The following CACNA1C variants were observed in gnomAD, a reference collection of about 807,000 sequenced individuals.
CACNA1C encodes voltage-dependent L-type calcium channel subunit alpha-1C.
In CACNA1C, 30 loss-of-function variants were observed where a neutral mutation model predicts 229.0. The observed-to-expected ratio is 0.13, with a 90% confidence interval of 0.10 to 0.18. The LOEUF is 0.18. Ranked by LOEUF, CACNA1C falls within the 10% of genes least tolerant of loss-of-function variation. The pLI is 1.00. For synonymous variants in CACNA1C, 1,114 were observed against 1,132.5 expected, an observed-to-expected ratio of 0.98 and a Z score of 0.33; for missense variants, 1,658 against 2,845.0, an observed-to-expected ratio of 0.58 and a Z score of 9.49.
chr12:2,248,236 C>T (rs2074166229), intron 3 of CACNA1C, among the ~76,000 whole-genome samples: 1 of 152,192 alleles, frequency 6.6e-6, no homozygotes, highest in Non-Finnish European at 1.5e-5. Context: ...GGACTCTGCT[C>T]TATAAATATA....
Position 2,034,641 on chromosome 12 carries a change from G to A in CACNA1C, c.139+63440G>A, listed in dbSNP as rs114164222. Among the ~76,000 whole-genome samples the A allele has an allele frequency of 0.016, 2,456 of 152,182 alleles. 76 individuals carry two copies. Among genetic ancestry groups the A allele is most frequent in the African/African-American group, 0.056 (2,318 of 41,510 alleles). On this transcript the variant is annotated intron_variant, in intron 1 of 46. Transcript: ENST00000682462. The surrounding 1 kb of genome is among the most constrained non-coding windows in gnomAD (Gnocchi z 4.1). ...GTAATATGCTGGTTCAATATCCGAC[G>A]ACTTTGAAATAATTCGAGGGCTAAC...
At chr12:2,209,206 G>A (rs1313023712) in intron 3 of CACNA1C, among the ~76,000 whole-genome samples, 1 of 152,190 alleles carries the variant, frequency 6.6e-6, no homozygotes, top group Non-Finnish European at 1.5e-5. Flanking sequence ...TGAGGTATGT[G>A]ATTATAAGAA....
Position 2,215,554 on chromosome 12 carries a change from C to T in CACNA1C, c.477+95124C>T, listed in dbSNP as rs1367103051. Reference sequence around the variant, plus strand: ...AGCTCCTACCACAGTCCCTGTCCCCCACACCGTTAACACTTTTACATCAGC... The same window carrying T: ...AGCTCCTACCACAGTCCCTGTCCCCTACACCGTTAACACTTTTACATCAGC... On this transcript the variant is annotated intron_variant, in intron 3 of 46. Transcript: ENST00000399655. This position sits in a 1 kb window ranked among gnomAD's most constrained non-coding sequence, Gnocchi z 5.0. Among the ~76,000 whole-genome samples the T allele has an allele frequency of 1.3e-5, 2 of 152,194 alleles. No homozygotes were observed. Among genetic ancestry groups the T allele is most frequent in the African/African-American group, 4.8e-5 (2 of 41,456 alleles).
intron 1 of CACNA1C, among the ~76,000 whole-genome samples, chr12:2,107,309 G>C (rs1348869080): frequency 7.3e-6 from 1 of 137,488 alleles, no homozygotes; most frequent in Non-Finnish European, 1.6e-5. Flanking sequence ...TGCTCACCCT[G>C]GAGAGGGTTT....
At chr12:2,255,124 C>T (rs1181248071) in intron 3 of CACNA1C, among the ~76,000 whole-genome samples, 1 of 152,106 alleles carries the variant, frequency 6.6e-6, no homozygotes, top group African/African-American at 2.4e-5. Flanking sequence ...GGCTGACCTG[C>T]TGTGTGACCT....
At chr12:2,392,989 A>C (rs2098511817) in intron 3 of CACNA1C, among the ~76,000 whole-genome samples, 1 of 151,948 alleles carries the variant, frequency 6.6e-6, no homozygotes, top group African/African-American at 2.4e-5. Flanking sequence ...ACTACTGTTA[A>C]CCCTCTAGTA....
At chr12:2,400,570 C>T (rs943047486) in intron 3 of CACNA1C, among the ~76,000 whole-genome samples, 1 of 152,212 alleles carries the variant, frequency 6.6e-6, no homozygotes, top group Non-Finnish European at 1.5e-5. Flanking sequence ...GCTACGAATA[C>T]AGAACGAGAT....
intron 3 of CACNA1C, among the ~76,000 whole-genome samples, chr12:2,342,941 G>A (rs537519876): frequency 1.3e-5 from 2 of 152,308 alleles, no homozygotes; most frequent in East Asian, 3.9e-4. Flanking sequence ...CAGTTTTCAT[G>A]TGCATTATTT....
rs2074873506 is a variant in CACNA1C at position 2,605,449 on chromosome 12, T to C, written c.3049-230T>C. Among the ~76,000 whole-genome samples the C allele has an allele frequency of 6.6e-6, 1 of 152,188 alleles. No individual in the cohort carries two copies. On this transcript the variant is annotated intron_variant, in intron 23 of 46. Transcript: ENST00000399655. The surrounding 1 kb of genome is among the most constrained non-coding windows in gnomAD (Gnocchi z 6.2). Reference sequence around the variant, plus strand: ...CACCATCCCTATATTCCTTCCACTGTAAGATGGGAGGTTGGCAGGACTTTT... The same window carrying C: ...CACCATCCCTATATTCCTTCCACTGCAAGATGGGAGGTTGGCAGGACTTTT...
At chr12:2,187,636 C>T (rs938853315) in intron 3 of CACNA1C, among the ~76,000 whole-genome samples, 10 of 152,218 alleles carry the variant, frequency 6.6e-5, no homozygotes, top group African/African-American at 1.4e-4. Flanking sequence ...AGTCAGTGAC[C>T]GACAGGCCAG....
intron 7 of CACNA1C, among the ~76,000 whole-genome samples, chr12:2,496,149 G>A (rs1209659435): frequency 6.6e-6 from 1 of 152,184 alleles, no homozygotes; most frequent in Non-Finnish European, 1.5e-5. Context: ...CCCAGTATCT[G>A]CATTTTGAAA....
At chr12:2,310,431 G>A (rs2095373162) in intron 3 of CACNA1C, among the ~76,000 whole-genome samples, 1 of 151,898 alleles carries the variant, frequency 6.6e-6, no homozygotes, top group African/African-American at 2.4e-5. Context: ...GGTTTTGAAT[G>A]TGGGGGAGGC....
intron 9 of CACNA1C, among the ~76,000 whole-genome samples, chr12:2,539,948 C>T (rs145131398): frequency 2.1e-3 from 312 of 151,848 alleles, no homozygotes; most frequent in African/African-American, 6.9e-3. Flanking sequence ...GATCTGTTAC[C>T]GGTAAAGGCT....
chr12:2,545,529 T>C (rs2099879559), intron 9 of CACNA1C, among the ~76,000 whole-genome samples: 1 of 152,180 alleles, frequency 6.6e-6, no homozygotes, highest in South Asian at 2.1e-4. Context: ...TTGCAAGTTG[T>C]CTCCACTGCT....
At chr12:2,307,664 A>G (rs922604917) in intron 3 of CACNA1C, among the ~76,000 whole-genome samples, 1 of 151,882 alleles carries the variant, frequency 6.6e-6, no homozygotes, top group East Asian at 1.9e-4. Context: ...CTCTAGATGG[A>G]GTGTTCTTTC....
At chr12:2,377,831 A>G (rs1378003400) in intron 3 of CACNA1C, among the ~76,000 whole-genome samples, 2 of 152,230 alleles carry the variant, frequency 1.3e-5, no homozygotes, top group Admixed American at 6.5e-5. Flanking sequence ...CTGCTTCTCC[A>G]TGATTTCTGA....
At chr12:1,993,086 G>A (rs2154474693) in intron 1 of CACNA1C, 2 of 841,868 alleles carry the variant, frequency 2.4e-6, no homozygotes, top group East Asian at 4.8e-5. Flanking sequence ...ACTCTTCCAA[G>A]GAAGAATCTA....
At chr12:2,580,413 A>G (rs1362528013) in intron 13 of CACNA1C, among the ~76,000 whole-genome samples, 2 of 152,232 alleles carry the variant, frequency 1.3e-5, no homozygotes, top group African/African-American at 4.8e-5. Context: ...CATGTCACTC[A>G]CTGAAGCAGC....
chr12:2,028,126 A>T (rs2047633558), intron 1 of CACNA1C, among the ~76,000 whole-genome samples: 1 of 152,346 alleles, frequency 6.6e-6, no homozygotes, highest in East Asian at 1.9e-4. Flanking sequence ...ATGCCTAAGG[A>T]TGCAGTATTT....
Sources: gnomAD v4.1 joint callset for allele counts (sites outside exome capture counted in the v4.1 genomes callset) on GRCh38, gnomAD v4.1.1 for gene constraint, Gnocchi (gnomAD v3.1) non-coding constraint, MANE v1.5 for transcripts, NCBI Gene and HGNC (gene_info 2026-07-23, HGNC 2026-07-21) for gene names.